The following MYO3B variants were observed in gnomAD, a reference collection of about 807,000 sequenced individuals.
MYO3B encodes the protein myosin-IIIb.
In MYO3B, 156 loss-of-function variants were observed where a neutral mutation model predicts 174.6. The ratio of observed to expected loss-of-function variants is 0.89; its 90% CI spans 0.78 to 1.02. MYO3B has a LOEUF of 1.02. Ranked by LOEUF, MYO3B falls within the 50% of genes least tolerant of loss-of-function variation. MYO3B has a pLI of 0.00. For synonymous variants in MYO3B, 563 were observed against 569.1 expected (o/e 0.99, Z 0.15); for missense variants, 1,632 against 1,639.4 (o/e 1.00, Z 0.08).
intron 23 of MYO3B, among the ~76,000 whole-genome samples, chr2:170,446,060 A>T (rs909152949): frequency 1.3e-5 from 2 of 152,218 alleles, no homozygotes; most frequent in Admixed American, 1.3e-4. Flanking sequence ...TGTTTATGAG[A>T]GCTGAAATAA....
At chr2:170,459,358 G>T (rs963295478) in intron 23 of MYO3B, among the ~76,000 whole-genome samples, 2 of 152,160 alleles carry the variant, frequency 1.3e-5, no homozygotes, top group Non-Finnish European at 2.9e-5. Context: ...CAAACCTTGA[G>T]CTAGACACAG....
chr2:170,297,496 A>G (rs1293770811), intron 7 of MYO3B, among the ~76,000 whole-genome samples: 1 of 152,192 alleles, frequency 6.6e-6, no homozygotes, highest in Non-Finnish European at 1.5e-5. Context: ...AAAAAGGCAC[A>G]TTTTATAAAA....
At chr2:170,412,406 G>T (rs2094551769) in intron 22 of MYO3B, 1 of 152,178 alleles carries the variant, frequency 6.6e-6, no homozygotes, top group South Asian at 2.1e-4. Context: ...CTCAAAGTTT[G>T]ATTTTTGCTT....
At chr2:170,649,399 AATATAAAATATTAC>A (rs1326542433) in intron 32 of MYO3B, among the ~76,000 whole-genome samples, 1 of 115,174 alleles carries the variant, frequency 8.7e-6, no homozygotes, top group Non-Finnish European at 1.8e-5. Context: ...AAAAATATAA[AATATAAAATATTAC>A]ATATAAAATA....
chr2:170,513,729 G>A (rs1358561317), intron 28 of MYO3B, among the ~76,000 whole-genome samples: 1 of 152,106 alleles, frequency 6.6e-6, no homozygotes, highest in Non-Finnish European at 1.5e-5. Context: ...CTCCTTGGAG[G>A]AAGGGCCTGT....
intron 1 of MYO3B, among the ~76,000 whole-genome samples, chr2:170,195,578 A>T (rs1006571511): frequency 6.6e-6 from 1 of 152,190 alleles, no homozygotes; most frequent in African/African-American, 2.4e-5. Context: ...GACACTGGAC[A>T]AGGACCTAGG....
chr2:170,305,771 C>T (rs757624424), intron 7 of MYO3B, among the ~76,000 whole-genome samples: 9 of 152,084 alleles, frequency 5.9e-5, no homozygotes, highest in South Asian at 2.1e-4. Context: ...TATTACTTTT[C>T]GAAACAGGGT....
chr2:170,371,150 G>A (rs148821201), intron 9 of MYO3B, among the ~76,000 whole-genome samples: 37 of 149,698 alleles, frequency 2.5e-4, no homozygotes, highest in South Asian at 1.1e-3. Flanking sequence ...CCTGGGAGGC[G>A]GAAGTTGCAG....
rs529280733 is a variant in MYO3B, at chr2:170,583,081, C to A, written c.3733+39093C>A. Among the ~76,000 whole-genome samples the A allele has an allele frequency of 2.7e-3, 407 of 151,178 alleles. 3 individuals carry two copies. Among genetic ancestry groups the A allele is most frequent in the African/African-American group, 9.3e-3 (381 of 41,096 alleles). ...ACCGCCTGACACCCCGCACACCCCC[C>A]ACTGCAGCCCCTCCACCCCCTCCCC... is the stretch of plus-strand genomic sequence containing the variant. On this transcript the variant is annotated intron_variant, in intron 32 of 34. Transcript: ENST00000408978.
At chr2:170,239,527 C>T (rs1321381318) in intron 7 of MYO3B, among the ~76,000 whole-genome samples, 1 of 152,196 alleles carries the variant, frequency 6.6e-6, no homozygotes, top group Non-Finnish European at 1.5e-5. Context: ...TGTCTCATCA[C>T]ACATTGAATA....
chr2:170,403,763 G>C lies in MYO3B; in HGVS notation c.2278-484G>C, dbSNP rs543400285. 3.3e-5 allele frequency among the ~76,000 whole-genome samples: 5 copies of C among 152,256 alleles called. No individual in the cohort carries two copies. The South Asian group carries it at 8.3e-4, about 25-fold the overall frequency. ...AATACCAGCATTGCTTTTATCTCTG[G>C]AGCTGGATAAATCTGTATAGCACTC... On this transcript the variant is annotated intron_variant, in intron 19 of 34. Transcript: ENST00000408978.
intron 30 of MYO3B, among the ~76,000 whole-genome samples, chr2:170,523,696 A>C (rs574642729): frequency 6.6e-6 from 1 of 152,250 alleles, no homozygotes; most frequent in South Asian, 2.1e-4. Flanking sequence ...TCATGCCCCC[A>C]CTTATGGCCA....
At chr2:170,459,084 G>A (rs55906632) in intron 23 of MYO3B, among the ~76,000 whole-genome samples, 41,802 of 152,048 alleles carry the variant, frequency 0.27, 6,037 homozygotes, top group Admixed American at 0.37. Context: ...GACCTTTGCA[G>A]TGAGTGTTAC....
chr2:170,560,457 C>T (rs963904648), intron 32 of MYO3B, among the ~76,000 whole-genome samples: 7 of 152,240 alleles, frequency 4.6e-5, no homozygotes, highest in Non-Finnish European at 1.0e-4. Flanking sequence ...TCTACCCAGA[C>T]ACCAGGCTGG....
intron 7 of MYO3B, among the ~76,000 whole-genome samples, chr2:170,261,109 C>T (rs980713276): frequency 3.9e-5 from 6 of 152,132 alleles, no homozygotes; most frequent in South Asian, 2.1e-4. Flanking sequence ...CCGCAAACTC[C>T]GCCTTCCGGG....
At chr2:170,590,320 TCTTAA>T (rs1425801811) in intron 32 of MYO3B, among the ~76,000 whole-genome samples, 1 of 152,174 alleles carries the variant, frequency 6.6e-6, no homozygotes, top group Non-Finnish European at 1.5e-5. Context: ...AAAAGTTCTA[TCTTAA>T]CTTTTCTCCT....
At chr2:170,436,196 T>C (rs2094752456) in intron 22 of MYO3B, among the ~76,000 whole-genome samples, 2 of 152,188 alleles carry the variant, frequency 1.3e-5, no homozygotes, top group Admixed American at 1.3e-4. Flanking sequence ...AGTTGCAGTT[T>C]TGAGAAGCAC....
At chr2:170,200,379 T>C (rs548632074) in intron 3 of MYO3B, 95 bp downstream of exon 3, 117 of 1,412,582 alleles carry the variant, frequency 8.3e-5, no homozygotes, top group Non-Finnish European at 1.1e-4. Context: ...GGTACACATT[T>C]GAGGAGTAGG....
intron 32 of MYO3B, among the ~76,000 whole-genome samples, chr2:170,635,546 C>A (rs982721389): frequency 1.3e-5 from 2 of 151,962 alleles, no homozygotes; most frequent in African/African-American, 4.8e-5. Flanking sequence ...CAAACCAACA[C>A]AACACATGTA....
Sources: allele counts gnomAD v4.1 joint callset (sites outside exome capture counted in the v4.1 genomes callset), GRCh38; gene constraint gnomAD v4.1.1; transcripts MANE v1.5; gene names NCBI Gene and HGNC (gene_info 2026-07-23, HGNC 2026-07-21).